The following MYO6 variants were observed in gnomAD, a reference collection of about 807,000 sequenced individuals.
MYO6 encodes unconventional myosin-VI.
In MYO6, 74 loss-of-function variants were observed where a neutral mutation model predicts 178.7. The ratio of observed to expected loss-of-function variants is 0.41; its 90% CI spans 0.34 to 0.50. The LOEUF (loss-of-function observed/expected upper bound fraction) is 0.50, where lower values mean the gene tolerates loss of function less well. Ranked by LOEUF, MYO6 falls within the 20% of genes least tolerant of loss-of-function variation. MYO6 has a pLI of 0.09. For missense variants in MYO6, 1,330 were observed against 1,547.4 expected (o/e 0.86, Z 2.36); for synonymous variants, 477 against 504.6 (o/e 0.95, Z 0.73).
At chr6:75,859,330 C>G (rs1775993928) in intron 14 of MYO6, among the ~76,000 whole-genome samples, 1 of 151,420 alleles carries the variant, frequency 6.6e-6, no homozygotes, top group Non-Finnish European at 1.5e-5. Context: ...GATAGAGTCT[C>G]ATTCTGTTGC....
chr6:75,908,906 C>G (rs1780552878), intron 32 of MYO6, among the ~76,000 whole-genome samples: 3 of 152,076 alleles, frequency 2.0e-5, no homozygotes, highest in Non-Finnish European at 4.4e-5. Flanking sequence ...TTCACACACA[C>G]AAACACGTGC....
intron 11 of MYO6, among the ~76,000 whole-genome samples, chr6:75,851,986 A>C (rs1775309727): frequency 6.6e-6 from 1 of 152,134 alleles, no homozygotes; most frequent in African/African-American, 2.4e-5. Flanking sequence ...AAAATTCCAC[A>C]TAACAGATAA....
In MYO6 at chr6:75,841,372, T is replaced by A; in HGVS notation, c.810T>A (p.Asn270Lys). The A allele has an allele frequency of 6.2e-7, 1 of 1,613,520 alleles. No homozygotes were observed. Among genetic ancestry groups the A allele is most frequent in the African/African-American group, 1.3e-5 (1 of 75,018 alleles). Residue 270 changes from asparagine to lysine, a missense_variant, in exon 9 of 35, where the codon AAT becomes AAA. This residue lies in a region of MYO6 where 613 missense variants were observed against 816.8 expected (regional missense o/e 0.75). Transcript: ENST00000369977. ...AACTTCATTTGAGTTCACCAGATAA[T>A]TTTCGGGTAGGTCAGAAGAAAAGAA... ...REKLHLSSPD[N>K]FRYLNRGCTR...
At chr6:75,875,437 G>C (rs1777498927) in intron 20 of MYO6, among the ~76,000 whole-genome samples, 1 of 152,006 alleles carries the variant, frequency 6.6e-6, no homozygotes, top group South Asian at 2.1e-4. Context: ...ACCACGCCCA[G>C]CTAATTAAAA....
intron 6 of MYO6, 69 bp from the exon 7 acceptor site, chr6:75,835,832 C>T (rs1263633839): frequency 4.6e-6 from 4 of 868,496 alleles, no homozygotes; most frequent in Non-Finnish European, 7.8e-6. Flanking sequence ...TTTATATGTA[C>T]TAGATAATTA....
chr6:75,821,136 A>G (rs1198161177), intron 2 of MYO6, among the ~76,000 whole-genome samples: 1 of 152,204 alleles, frequency 6.6e-6, no homozygotes, highest in Non-Finnish European at 1.5e-5. Flanking sequence ...AGGACTCCTT[A>G]CTGGCCTTTT....
chr6:75,914,723 A>T (rs1394049271), intron 34 of MYO6, 90 bp from the exon 35 acceptor site: 1 of 1,229,846 alleles, frequency 8.1e-7, no homozygotes, highest in South Asian at 1.3e-5. Context: ...TTTCAAATCT[A>T]TGAGAATTAA....
intron 1 of MYO6, among the ~76,000 whole-genome samples, chr6:75,788,911 A>G (rs1767951493): frequency 6.6e-6 from 1 of 152,230 alleles, no homozygotes; most frequent in Non-Finnish European, 1.5e-5. Context: ...GAGGAAAGAA[A>G]TAAGCGTTTG....
chr6:75,844,813 C>T (rs1000406036), intron 9 of MYO6, 84 bp from the exon 10 acceptor site: 8 of 1,057,330 alleles, frequency 7.6e-6, no homozygotes, highest in Non-Finnish European at 1.2e-5. Context: ...TCATGGTTGG[C>T]ACTATTTGGT....
chr6:75,822,756 T>A, intron 2 of MYO6, 26 bp from the exon 3 acceptor site: 1 of 1,601,784 alleles, frequency 6.2e-7, no homozygotes, highest in Non-Finnish European at 8.6e-7. Flanking sequence ...GCCTTGAGTT[T>A]AATGAGCATT....
At chr6:75,839,290 G>T (rs1484686694) in intron 7 of MYO6, among the ~76,000 whole-genome samples, 1 of 151,974 alleles carries the variant, frequency 6.6e-6, no homozygotes. Flanking sequence ...CGGGGTTCAC[G>T]CCATTCTCCT....
At position 75,831,636 on chromosome 6, in the gene MYO6, A is replaced by C. The variant is rs904540302; in HGVS notation, c.391+1091A>C. Reference sequence around the variant, plus strand: ...GTGTGGAGGATGGGTGTGGTGGCTTATGCCTGTAATCCAAGCACTTCGGGG... The same window carrying C: ...GTGTGGAGGATGGGTGTGGTGGCTTCTGCCTGTAATCCAAGCACTTCGGGG... On this transcript the variant is annotated intron_variant, in intron 5 of 34. Coordinates refer to ENST00000369977, the MANE Select transcript of MYO6 (RefSeq NM_004999.4). Among the ~76,000 whole-genome samples the C allele has an allele frequency of 2.0e-5, 3 of 152,300 alleles. No homozygotes were observed. The East Asian group carries it at 5.8e-4, about 29-fold the overall frequency.
chr6:75,866,813 G>T (rs1044331692), intron 17 of MYO6, 119 bp from the exon 18 acceptor site: 88 of 1,177,314 alleles, frequency 7.5e-5, no homozygotes, highest in Non-Finnish European at 3.8e-5. Flanking sequence ...TGGTGACGGC[G>T]TTGGACAGTG....
At chr6:75,886,549 T>C (rs1319664049) in intron 24 of MYO6, among the ~76,000 whole-genome samples, 1 of 152,210 alleles carries the variant, frequency 6.6e-6, no homozygotes, top group Non-Finnish European at 1.5e-5. Flanking sequence ...CTTTTAAAAA[T>C]TGGAAGTCTG....
intron 30 of MYO6, among the ~76,000 whole-genome samples, chr6:75,903,777 T>C (rs1342027916): frequency 6.6e-6 from 1 of 152,144 alleles, no homozygotes; most frequent in Non-Finnish European, 1.5e-5. Context: ...ATTATGATGT[T>C]AGCTGGTGAT....
In MYO6 at chr6:75,880,055, G is replaced by A; in HGVS notation, c.2221G>A (p.Ala741Thr). The stretch of plus-strand genomic sequence containing the variant: ...TTTTATTTTTCAGGCTTTGTTTAAA[G>A]CTTTGGGCTTAAATGAAAATGACTA... ...PRLFCKALFKALGLNENDYKF... is the reference protein window; with the variant it reads ...PRLFCKALFKTLGLNENDYKF... The change falls in exon 22 of 35, where the codon GCT (alanine) becomes ACT (threonine). Residue 741 changes from alanine (A) to threonine (T), a missense_variant. Physicochemically the swap from Ala to Thr is moderately conservative, Grantham distance 58. Around this residue, in one of 3 missense-constraint regions of MYO6, gnomAD observed 613 missense variants for 816.8 expected, o/e 0.75. Coordinates refer to ENST00000369977, the MANE Select transcript of MYO6 (RefSeq NM_004999.4). 1 of 1,612,620 alleles carries A rather than the reference G, an allele frequency of 6.2e-7. No homozygotes were observed.
Position 75,912,667 on chromosome 6 carries a change from C to T in MYO6, c.3439+969C>T, listed in dbSNP as rs370946219. 2.0e-5 allele frequency among the ~76,000 whole-genome samples: 3 copies of T among 152,012 alleles called. No individual in the cohort carries two copies. In the East Asian group the frequency reaches 5.8e-4, roughly 29 times the overall value. On this transcript the variant is annotated intron_variant, in intron 33 of 34. Transcript: ENST00000369977. ...AAACTGGACATTAAATTCTAATTCA[C>T]TACTTTAGATGGAGGGAAGGTTTTT...
chr6:75,795,645 G>A (rs1355264679), intron 1 of MYO6, among the ~76,000 whole-genome samples: 2 of 152,108 alleles, frequency 1.3e-5, no homozygotes, highest in East Asian at 3.8e-4. Flanking sequence ...TGGCTACTTA[G>A]CAGAATTTTA....
chr6:75,866,795 C>A lies in MYO6; in HGVS notation c.1771-137C>A, dbSNP rs1776741468. ...ACACTTCAGGTGCCCAGTGTCCACA[C>A]TGACTAGTGGTGACGGCGTTGGACA... is the stretch of plus-strand genomic sequence containing the variant. On this transcript the variant is annotated intron_variant, in intron 17 of 34. Transcript: ENST00000369977. 3 of 1,085,114 alleles carry A rather than the reference C, an allele frequency of 2.8e-6. No homozygotes were observed. In the South Asian group the frequency reaches 4.0e-5, roughly 14 times the overall value. 67.2% of individuals were successfully genotyped at this position (1,085,114 alleles called of 1,614,324 possible).
Sources: gnomAD v4.1 joint callset for allele counts (sites outside exome capture counted in the v4.1 genomes callset) on GRCh38, gnomAD v4.1.1 for gene constraint, gnomAD v4.1.1 regional missense constraint, MANE v1.5 for transcripts, NCBI Gene and HGNC (gene_info 2026-07-23, HGNC 2026-07-21) for gene names.